The following SOCS2 variants were observed in gnomAD, a reference collection of about 807,000 sequenced individuals.
SOCS2 encodes the protein suppressor of cytokine signaling 2, also known as CIS-2.
Under a neutral mutation model 18.6 loss-of-function variants are expected in SOCS2, and 10 were observed. The observed-to-expected ratio is 0.54, with a 90% confidence interval of 0.33 to 0.91. SOCS2 has a LOEUF of 0.91. Ranked by LOEUF, SOCS2 falls within the 40% of genes least tolerant of loss-of-function variation. The probability of loss-of-function intolerance (pLI) is 0.02; values close to 1 mark genes in which losing one functional copy is unlikely to be tolerated. For missense variants in SOCS2, 231 were observed against 247.2 expected, an observed-to-expected ratio of 0.93 and a Z score of 0.44; for synonymous variants, 104 against 104.0, an observed-to-expected ratio of 1.00 and a Z score of 0.00.
downstream of SOCS2, among the ~76,000 whole-genome samples, chr12:93,587,093 G>A (rs899356273): frequency 5.9e-5 from 9 of 152,148 alleles, no homozygotes; most frequent in South Asian, 4.1e-4. Context: ...ACTTGAACCC[G>A]GGAGGCAGAG....
the SOCS2 span, among the ~76,000 whole-genome samples, chr12:93,616,833 G>A: frequency 6.6e-6 from 1 of 152,162 alleles, no homozygotes; most frequent in Non-Finnish European, 1.5e-5. Flanking sequence ...GGCAGGAGAT[G>A]GGGAAGTACA....
chr12:93,623,887 T>C, the SOCS2 span, among the ~76,000 whole-genome samples: 1 of 152,114 alleles, frequency 6.6e-6, no homozygotes. Flanking sequence ...GTATTTTTAG[T>C]AAAGACAGGG....
chr12:93,573,256 A>G, intron 1 of SOCS2: 1 of 618,380 alleles, frequency 1.6e-6, no homozygotes, highest in Non-Finnish European at 2.8e-6. Flanking sequence ...AGAGCGCGGG[A>G]AGAGCTTCTT....
chr12:93,575,007 C>A lies in SOCS2; in HGVS notation c.425C>A (p.Ala142Asp), dbSNP rs780455580. 6.2e-7 allele frequency: 1 copy of A among 1,613,876 alleles called. No homozygotes were observed. Among genetic ancestry groups the A allele is most frequent in the South Asian group, 1.1e-5 (1 of 91,038 alleles). The change falls in exon 2 of 2, where the codon GCC becomes GAC. Residue 142 changes from alanine (A) to aspartate (D), a missense_variant. Around this residue, in one of 3 missense-constraint regions of SOCS2, gnomAD observed 122 missense variants for 127.2 expected, o/e 0.96. Coordinates refer to ENST00000551556, the MANE Select transcript of SOCS2 (RefSeq NM_001270471.2). ...MCKDKRTGPE[A>D]PRNGTVHLYL... ...AAGGATAAGCGGACAGGTCCAGAAG[C>A]CCCCCGGAACGGCACTGTTCACCTT...
upstream of SOCS2, chr12:93,571,846 C>G (rs764117898): frequency 2.3e-6 from 1 of 427,548 alleles, no homozygotes; most frequent in Non-Finnish European, 4.7e-6. Flanking sequence ...CCCCCACCCC[C>G]CCGCCCCATG....
At chr12:93,619,040 G>A in the SOCS2 span, among the ~76,000 whole-genome samples, 5 of 152,302 alleles carry the variant, frequency 3.3e-5, no homozygotes, top group Non-Finnish European at 4.4e-5. Context: ...GTACAGAAAC[G>A]TGGGCAGGGT....
At chr12:93,610,011 C>CA in the SOCS2 span, among the ~76,000 whole-genome samples, 1 of 152,142 alleles carries the variant, frequency 6.6e-6, no homozygotes, top group South Asian at 2.1e-4. Flanking sequence ...ATGGTAATGA[C>CA]ATTAATTCAT....
chr12:93,619,735 A>T, the SOCS2 span, among the ~76,000 whole-genome samples: 1 of 152,130 alleles, frequency 6.6e-6, no homozygotes, highest in Non-Finnish European at 1.5e-5. Flanking sequence ...TTTCCCTTGC[A>T]TTACACTAAA....
At chr12:93,573,387 A>G (rs1954333798) in intron 1 of SOCS2, 3 of 470,534 alleles carry the variant, frequency 6.4e-6, no homozygotes, top group East Asian at 3.4e-5. Flanking sequence ...ACGGGGTGCA[A>G]TCAGCAAGTC....
At chr12:93,614,484 C>CTTTCTTTCT in the SOCS2 span, among the ~76,000 whole-genome samples, 20 of 23,800 alleles carry the variant, frequency 8.4e-4, 3 homozygotes, top group African/African-American at 3.9e-3. Flanking sequence ...CCTTCCTTTC[C>CTTTCTTTCT]TTCCTTCCTT....
chr12:93,580,871 G>A (rs1419676159), downstream of SOCS2, among the ~76,000 whole-genome samples: 1 of 152,162 alleles, frequency 6.6e-6, no homozygotes. Flanking sequence ...TTAATTATCT[G>A]TAGGAATAAG....
the SOCS2 span, among the ~76,000 whole-genome samples, chr12:93,618,365 T>A: frequency 0.016 from 2,364 of 152,284 alleles, 63 homozygotes; most frequent in African/African-American, 0.054. Flanking sequence ...AGTTTTTAAA[T>A]ATGGCTCAAA....
chr12:93,577,689 T>G (rs74774845), downstream of SOCS2, among the ~76,000 whole-genome samples: 2,449 of 150,402 alleles, frequency 0.016, 79 homozygotes, highest in African/African-American at 0.059. Flanking sequence ...TAATTAGCAC[T>G]GTGCTCTGTG....
downstream of SOCS2, among the ~76,000 whole-genome samples, chr12:93,587,728 G>A (rs1243117576): frequency 6.6e-6 from 1 of 151,872 alleles, no homozygotes; most frequent in Non-Finnish European, 1.5e-5. Flanking sequence ...GCCAGGCAAG[G>A]CAGTTCCAAG....
chr12:93,608,954 T>G, the SOCS2 span, among the ~76,000 whole-genome samples: 1 of 152,172 alleles, frequency 6.6e-6, no homozygotes. Flanking sequence ...GGGGTAAGTA[T>G]TTACCTTAAT....
chr12:93,600,190 T>C, the SOCS2 span, among the ~76,000 whole-genome samples: 1 of 152,244 alleles, frequency 6.6e-6, no homozygotes, highest in African/African-American at 2.4e-5. Flanking sequence ...AAATTATTTT[T>C]CTTTTCTTTA....
Position 93,576,539 on chromosome 12 carries a change from C to A in SOCS2, c.*1360C>A, listed in dbSNP as rs970787501. The A allele has an allele frequency of 2.0e-5, 3 of 152,166 alleles. No homozygotes were observed. Among genetic ancestry groups the A allele is most frequent in the Non-Finnish European group, 4.4e-5 (3 of 68,022 alleles). 9.4% of individuals were successfully genotyped at this position (152,166 alleles called of 1,614,324 possible). A position where few individuals can be genotyped will look rare whatever the true frequency, so the allele number is the denominator to read the frequency against. On this transcript the variant is annotated 3_prime_UTR_variant, in exon 2 of 2. Transcript: ENST00000551556. ...GTAGGCATAATACTAAAGAAAAATA[C>A]AAAGTTTTGTGGCCACTTATTTTTT...
the SOCS2 span, among the ~76,000 whole-genome samples, chr12:93,624,009 C>G: frequency 6.6e-6 from 1 of 152,160 alleles, no homozygotes; most frequent in Non-Finnish European, 1.5e-5. Flanking sequence ...CAGCCTGAGC[C>G]ACTGCGCCTG....
upstream of SOCS2, chr12:93,571,789 A>C (rs1954262017): frequency 2.6e-6 from 1 of 391,162 alleles, no homozygotes; most frequent in Non-Finnish European, 5.1e-6. Context: ...GGGGGAAACA[A>C]GGGCAGACGC....
Sources: allele counts gnomAD v4.1 joint callset (sites outside exome capture counted in the v4.1 genomes callset), GRCh38; gene constraint gnomAD v4.1.1; regional missense constraint gnomAD v4.1.1; transcripts MANE v1.5; gene names NCBI Gene and HGNC (gene_info 2026-07-23, HGNC 2026-07-21).